PMP22: variants seen among roughly 807,000 people sequenced by gnomAD.
PMP22 encodes peripheral myelin protein 22, also known as Charcot-Marie-Tooth neuropathy 1A (greatly reduced nerve conduction velocity, hereditary motor sensory neuropathy Ia).
A neutral mutation model predicts 18.9 loss-of-function variants in PMP22; 2 were observed. That is an observed-to-expected ratio of 0.11 (90% CI 0.04 to 0.33). The LOEUF (loss-of-function observed/expected upper bound fraction) is 0.33. Ranked by LOEUF, PMP22 falls within the 10% of genes least tolerant of loss-of-function variation. PMP22 has a pLI of 1.00. For missense variants in PMP22, 169 were observed against 202.2 expected (o/e 0.84, Z 1.00); for synonymous variants, 95 against 89.2 (o/e 1.07, Z -0.37).
At chr17:15,241,632 T>C (rs1355236601) in intron 3 of PMP22, among the ~76,000 whole-genome samples, 2 of 152,164 alleles carry the variant, frequency 1.3e-5, no homozygotes, top group Non-Finnish European at 2.9e-5. Flanking sequence ...ATATGTTAAA[T>C]CTATATAAAC....
chr17:15,247,185 C>T (rs558516801), intron 3 of PMP22, among the ~76,000 whole-genome samples: 6 of 151,066 alleles, frequency 4.0e-5, no homozygotes, highest in South Asian at 2.1e-4. Context: ...CTGGCTAACA[C>T]GGTGAAACCT....
chr17:15,252,868 G>A (rs1288722163), intron 3 of PMP22, among the ~76,000 whole-genome samples: 4 of 152,190 alleles, frequency 2.6e-5, no homozygotes, highest in Non-Finnish European at 5.9e-5. Context: ...GGCAAGCCAG[G>A]ACTGTGCCCT....
intron 4 of PMP22, among the ~76,000 whole-genome samples, chr17:15,233,778 G>A (rs190563270): frequency 1.3e-5 from 2 of 152,288 alleles, no homozygotes; most frequent in East Asian, 1.9e-4. Context: ...ATGGAATTTC[G>A]AGAGAGGGAA....
At chr17:15,257,425 G>T (rs1359656405) in intron 3 of PMP22, among the ~76,000 whole-genome samples, 1 of 152,234 alleles carries the variant, frequency 6.6e-6, no homozygotes, top group Non-Finnish European at 1.5e-5. Flanking sequence ...AAGAGTCCAG[G>T]ATTCTGTGCC....
intron 4 of PMP22, 93 bp from the exon 5 acceptor site, chr17:15,231,173 G>A: frequency 1.6e-6 from 2 of 1,250,614 alleles, no homozygotes; most frequent in Non-Finnish European, 2.3e-6. Context: ...TGCTGGGTAG[G>A]AAGAACATTT....
intron 3 of PMP22, among the ~76,000 whole-genome samples, chr17:15,248,833 GGA>G (rs1908071941): frequency 6.6e-6 from 1 of 152,196 alleles, no homozygotes; most frequent in African/African-American, 2.4e-5. Flanking sequence ...GGATTTATCA[GGA>G]GACTTGTTTT....
chr17:15,251,378 G>A (rs1445538801), intron 3 of PMP22, among the ~76,000 whole-genome samples: 1 of 152,102 alleles, frequency 6.6e-6, no homozygotes, highest in Non-Finnish European at 1.5e-5. Context: ...CACAATGGCA[G>A]GGACCTGCTC....
rs918901625 is a variant in PMP22, at chr17:15,260,855, C to G, written c.-34-94G>C. The G allele has an allele frequency of 4.4e-5, 40 of 899,308 alleles. No individual in the cohort carries two copies. The Admixed American group carries it at 4.5e-4, about 10-fold the overall frequency. The allele number at this position is 899,308 out of a possible 1,614,324, so 55.7% of individuals were successfully genotyped here. A position where few individuals can be genotyped will look rare whatever the true frequency, so the allele number is the denominator to read the frequency against. On this transcript the variant is annotated intron_variant, in intron 1 of 4. Transcript: ENST00000312280. Reference sequence around the variant, plus strand: ...GGGTCCCGCGCACTAGCGGAAGGCCCGGCCTGGCCCAGCGCCCGCAGCCCG... The same window carrying G: ...GGGTCCCGCGCACTAGCGGAAGGCCGGGCCTGGCCCAGCGCCCGCAGCCCG...
chr17:15,242,251 CAAAAAA>C (rs59075019), intron 3 of PMP22, among the ~76,000 whole-genome samples: 7 of 54,780 alleles, frequency 1.3e-4, no homozygotes, highest in African/African-American at 4.7e-4. Flanking sequence ...GACTCTGTCT[CAAAAAA>C]AAAAAAAAAA....
At chr17:15,259,938 C>CAAAAAA (rs61415317) in intron 2 of PMP22, among the ~76,000 whole-genome samples, 2 of 97,852 alleles carry the variant, frequency 2.0e-5, no homozygotes, top group Non-Finnish European at 2.2e-5. Context: ...GACTCCATCT[C>CAAAAAA]AAAAAAAAAA....
chr17:15,235,199 A>C (rs543972726), intron 4 of PMP22: 1 of 717,490 alleles, frequency 1.4e-6, no homozygotes. Flanking sequence ...TAACAAAAAG[A>C]GAGAGAAAGT....
chr17:15,238,865 T>G (rs1056542478), intron 4 of PMP22, among the ~76,000 whole-genome samples: 4 of 152,212 alleles, frequency 2.6e-5, no homozygotes, highest in Admixed American at 6.5e-5. Flanking sequence ...TGTGTTGTCA[T>G]AGCCCCATGT....
chr17:15,254,426 G>C (rs1194472878), intron 3 of PMP22, among the ~76,000 whole-genome samples: 3 of 152,182 alleles, frequency 2.0e-5, no homozygotes, highest in Non-Finnish European at 4.4e-5. Context: ...ATGCTGAGAA[G>C]AGAAAGAAGG....
intron 4 of PMP22, among the ~76,000 whole-genome samples, chr17:15,237,690 C>T (rs1027811154): frequency 6.6e-5 from 10 of 152,198 alleles, no homozygotes; most frequent in African/African-American, 2.2e-4. Context: ...CTGTCATGAG[C>T]TGGGTGACCT....
chr17:15,260,879 C>A lies in PMP22; in HGVS notation c.-34-118G>T, dbSNP rs939387617. On this transcript the variant is annotated intron_variant, in intron 1 of 4. Coordinates refer to ENST00000312280, the MANE Select transcript of PMP22 (RefSeq NM_000304.4). ...CCGGCCTGGCCCAGCGCCCGCAGCC[C>A]GACCGCCCGCGCGGGTCAGGAGCCT... The A allele has an allele frequency of 4.4e-6, 3 of 687,822 alleles. No individual in the cohort carries two copies. In the African/African-American group the frequency reaches 5.5e-5, roughly 13 times the overall value. The allele number at this position is 687,822 out of a possible 1,614,324, so 42.6% of individuals were successfully genotyped here.
At chr17:15,247,295 G>A (rs1169773721) in intron 3 of PMP22, among the ~76,000 whole-genome samples, 1 of 152,110 alleles carries the variant, frequency 6.6e-6, no homozygotes, top group African/African-American at 2.4e-5. Flanking sequence ...TGTGAACCCG[G>A]GAGGTGGAGC....
intron 3 of PMP22, among the ~76,000 whole-genome samples, chr17:15,246,035 A>G (rs1193098873): frequency 6.7e-6 from 1 of 148,152 alleles, no homozygotes; most frequent in African/African-American, 2.5e-5. Context: ...AAAAAAAAAG[A>G]AAAAAGAAAA....
At chr17:15,250,405 A>C (rs557856756) in intron 3 of PMP22, among the ~76,000 whole-genome samples, 5 of 152,204 alleles carry the variant, frequency 3.3e-5, no homozygotes, top group Admixed American at 2.0e-4. Flanking sequence ...TCAGCACCAC[A>C]ACATTGAATA....
At chr17:15,240,402 C>T (rs961882317) in intron 3 of PMP22, among the ~76,000 whole-genome samples, 12 of 140,786 alleles carry the variant, frequency 8.5e-5, no homozygotes, top group Non-Finnish European at 1.7e-4. Flanking sequence ...TTGGACAACC[C>T]GTATTTTTTT....
Sources: allele counts gnomAD v4.1 joint callset (sites outside exome capture counted in the v4.1 genomes callset), GRCh38; gene constraint gnomAD v4.1.1; transcripts MANE v1.5; gene names NCBI Gene and HGNC (gene_info 2026-07-23, HGNC 2026-07-21).